UMAD1: variants seen among roughly 807,000 people sequenced by gnomAD.
UMAD1 encodes the protein UBAP1-MVB12-associated (UMA)-domain containing protein 1.
UMAD1 carries 8 observed loss-of-function variants against 6.1 expected under a neutral mutation model. The ratio of observed to expected loss-of-function variants is 1.30; its 90% CI spans 0.76 to 2.35. The LOEUF (loss-of-function observed/expected upper bound fraction) is 2.35. Ranked by LOEUF, UMAD1 falls within the 30% of genes most tolerant of loss-of-function variation. The probability of loss-of-function intolerance (pLI) is 0.00; values close to 1 mark genes in which losing one functional copy is unlikely to be tolerated. For missense variants in UMAD1, 130 were observed against 78.4 expected (o/e 1.66, Z -2.49); for synonymous variants, 56 against 31.4 (o/e 1.78, Z -2.61).
intron 3 of UMAD1, among the ~76,000 whole-genome samples, chr7:7,850,382 C>G (rs1376545668): frequency 6.6e-6 from 1 of 152,018 alleles, no homozygotes; most frequent in East Asian, 1.9e-4. Context: ...CATGAACAAG[C>G]TAAGCTCTTT....
intron 3 of UMAD1, among the ~76,000 whole-genome samples, chr7:7,814,007 C>T (rs562170145): frequency 2.1e-3 from 318 of 150,786 alleles, no homozygotes; most frequent in African/African-American, 6.5e-3. Context: ...TTTTTTGAGA[C>T]GGAGTCTCGC....
intron 1 of UMAD1, among the ~76,000 whole-genome samples, chr7:7,655,833 CTCTCTT>C (rs1357468981): frequency 2.0e-5 from 3 of 151,628 alleles, no homozygotes; most frequent in Non-Finnish European, 4.4e-5. Context: ...CTCTCTCTCT[CTCTCTT>C]TGTTTTTGTT....
At position 7,801,693 on chromosome 7, in the gene UMAD1, A is replaced by G; in HGVS notation, c.106A>G (p.Met36Val). ...LLGDTTDEQR[M>V]TARGKTSDIE... is the part of the protein sequence containing the mutation. ...AGGAGATACAACAGATGAGCAAAGA[A>G]TGACAGCAAGAGGCAAAACTTCGGA... Residue 36 changes from methionine to valine, a missense_variant, in exon 3 of 4, where the codon ATG becomes GTG. Met to Val is a conservative substitution (Grantham distance 21). Transcript: ENST00000682710. 1.4e-6 allele frequency: 1 copy of G among 718,140 alleles called. No individual in the cohort carries two copies. The highest frequency in any genetic ancestry group is 1.7e-5 in the African/African-American group (1 of 57,402). 44.5% of individuals were successfully genotyped at this position (718,140 alleles called of 1,614,324 possible).
chr7:7,796,974 C>T (rs1782697329), intron 2 of UMAD1, among the ~76,000 whole-genome samples: 1 of 152,128 alleles, frequency 6.6e-6, no homozygotes, highest in Non-Finnish European at 1.5e-5. Flanking sequence ...AGCCCAGTGT[C>T]TCAGTGTATT....
In UMAD1 at chr7:7,860,798, A is replaced by T. The variant is rs188836075; in HGVS notation, c.157-16483A>T. Among the ~76,000 whole-genome samples, 249 of 45,502 alleles carry T rather than the reference A, an allele frequency of 5.5e-3. 1 individual carries two copies. The highest frequency in any genetic ancestry group is 0.023 in the South Asian group (54 of 2,352). 29.9% of individuals were successfully genotyped at this position (45,502 alleles called of 152,430 possible). Reference sequence around the variant, plus strand: ...TCAAAAAAAAAAAAAATAACAAAAAAAATAATAATAATAATAATTGTCCTA... The same window carrying T: ...TCAAAAAAAAAAAAAATAACAAAAATAATAATAATAATAATAATTGTCCTA... On this transcript the variant is annotated intron_variant, in intron 3 of 3. Coordinates refer to ENST00000682710, the MANE Select transcript of UMAD1 (RefSeq NM_001302348.2).
At chr7:7,752,572 G>A (rs1201534163) in intron 2 of UMAD1, among the ~76,000 whole-genome samples, 3 of 152,068 alleles carry the variant, frequency 2.0e-5, no homozygotes, top group Non-Finnish European at 4.4e-5. Context: ...AACCCGACAT[G>A]AGTTGTGAAC....
At chr7:7,835,073 CA>C (rs1783540691) in intron 3 of UMAD1, among the ~76,000 whole-genome samples, 1 of 152,208 alleles carries the variant, frequency 6.6e-6, no homozygotes, top group Non-Finnish European at 1.5e-5. Context: ...ATGGGGTTTA[CA>C]GTTCGAGGTG....
rs533613822 is a variant in UMAD1 at position 7,858,225 on chromosome 7, T to C, written c.157-19056T>C. ...ACACTATCGGAAGCTTAAGACCGAT[T>C]TGATGTAAAGTTAATGAAACGAAAA... On this transcript the variant is annotated intron_variant, in intron 3 of 3. Coordinates refer to ENST00000682710, the MANE Select transcript of UMAD1 (RefSeq NM_001302348.2). Among the ~76,000 whole-genome samples the C allele has an allele frequency of 1.6e-4, 25 of 152,302 alleles. No individual in the cohort carries two copies. In the East Asian group the frequency reaches 4.6e-3, roughly 28 times the overall value.
chr7:7,759,848 A>C (rs1781848835), intron 2 of UMAD1, among the ~76,000 whole-genome samples: 1 of 152,164 alleles, frequency 6.6e-6, no homozygotes, highest in African/African-American at 2.4e-5. Context: ...AGTGGCTCAG[A>C]CTTTCTGGGA....
At chr7:7,833,452 G>C (rs1454707890) in intron 3 of UMAD1, among the ~76,000 whole-genome samples, 1 of 152,054 alleles carries the variant, frequency 6.6e-6, no homozygotes, top group Non-Finnish European at 1.5e-5. Flanking sequence ...TTAACTTTTA[G>C]GAATTTAGAA....
intron 2 of UMAD1, among the ~76,000 whole-genome samples, chr7:7,760,829 A>G (rs1404763871): frequency 6.6e-6 from 1 of 152,234 alleles, no homozygotes. Context: ...AGAAAATAAC[A>G]GTACCACTGA....
chr7:7,812,892 T>G (rs1783048446), intron 3 of UMAD1, among the ~76,000 whole-genome samples: 1 of 152,090 alleles, frequency 6.6e-6, no homozygotes, highest in South Asian at 2.1e-4. Context: ...TACAACTTCT[T>G]GAGACTATAT....
intron 2 of UMAD1, among the ~76,000 whole-genome samples, chr7:7,703,742 T>A (rs1780525073): frequency 6.6e-6 from 1 of 152,050 alleles, no homozygotes; most frequent in African/African-American, 2.4e-5. Context: ...GAGTTTGAGA[T>A]CAGCCTGGGC....
chr7:7,768,392 G>C (rs1351278248), intron 2 of UMAD1, among the ~76,000 whole-genome samples: 1 of 152,120 alleles, frequency 6.6e-6, no homozygotes, highest in Non-Finnish European at 1.5e-5. Flanking sequence ...TCCCACTTCA[G>C]ACTTCTTACT....
At chr7:7,702,781 G>A (rs984666528) in intron 2 of UMAD1, among the ~76,000 whole-genome samples, 1 of 149,408 alleles carries the variant, frequency 6.7e-6, no homozygotes, top group Non-Finnish European at 1.5e-5. Context: ...CAGTGGCCTG[G>A]GTTTTTGTTG....
chr7:7,755,097 TCACTC>T (rs1781752211), intron 2 of UMAD1, among the ~76,000 whole-genome samples: 1 of 152,184 alleles, frequency 6.6e-6, no homozygotes, highest in Non-Finnish European at 1.5e-5. Context: ...TTCCAAGTCT[TCACTC>T]CACATCGAAT....
At chr7:7,757,421 T>C (rs1781798711) in intron 2 of UMAD1, among the ~76,000 whole-genome samples, 1 of 152,256 alleles carries the variant, frequency 6.6e-6, no homozygotes, top group South Asian at 2.1e-4. Context: ...GACAACCATG[T>C]GAACGTAGTA....
intron 2 of UMAD1, among the ~76,000 whole-genome samples, chr7:7,786,369 G>T (rs1405831838): frequency 6.6e-6 from 1 of 152,130 alleles, no homozygotes; most frequent in Admixed American, 6.5e-5. Context: ...TATGATTCAG[G>T]AATTTTTGCT....
chr7:7,850,938 T>A (rs1181014873), intron 3 of UMAD1, among the ~76,000 whole-genome samples: 1 of 152,112 alleles, frequency 6.6e-6, no homozygotes, highest in Admixed American at 6.6e-5. Flanking sequence ...ATTTATGATA[T>A]CCAAAAATAT....
Sources: allele counts gnomAD v4.1 joint callset (sites outside exome capture counted in the v4.1 genomes callset), GRCh38; gene constraint gnomAD v4.1.1; transcripts MANE v1.5; gene names NCBI Gene and HGNC (gene_info 2026-07-23, HGNC 2026-07-21).